Variants in MEI4 observed in about 807,000 individuals in gnomAD.
The protein encoded by MEI4 is meiosis-specific protein MEI4.
Under a neutral mutation model 31.4 loss-of-function variants are expected in MEI4, and 27 were observed. The ratio of observed to expected loss-of-function variants is 0.86; its 90% CI spans 0.63 to 1.19. The LOEUF (loss-of-function observed/expected upper bound fraction) is 1.19. Ranked by LOEUF, MEI4 falls within the 50% of genes most tolerant of loss-of-function variation. The probability of loss-of-function intolerance (pLI) is 0.00; values close to 1 mark genes in which losing one functional copy is unlikely to be tolerated. For missense variants in MEI4, 329 were observed against 398.9 expected (o/e 0.82, Z 1.49); for synonymous variants, 122 against 145.4 (o/e 0.84, Z 1.16).
At chr6:77,748,856 A>G (rs1309086128) in intron 2 of MEI4, among the ~76,000 whole-genome samples, 1 of 152,162 alleles carries the variant, frequency 6.6e-6, no homozygotes, top group Non-Finnish European at 1.5e-5. Context: ...GCCGACAGAC[A>G]TGTCATACAG....
At chr6:77,732,625 C>G (rs1767040898) in intron 2 of MEI4, among the ~76,000 whole-genome samples, 1 of 139,370 alleles carries the variant, frequency 7.2e-6, no homozygotes. Flanking sequence ...TTATTTCCTT[C>G]TCCTGCCTAA....
chr6:77,858,367 A>G (rs1259739486), intron 4 of MEI4, among the ~76,000 whole-genome samples: 1 of 152,194 alleles, frequency 6.6e-6, no homozygotes, highest in Non-Finnish European at 1.5e-5. Context: ...CATTTTAAAT[A>G]AATAATAATA....
chr6:77,666,880 T>TGTGTGTGTGC (rs1554208081), intron 1 of MEI4, among the ~76,000 whole-genome samples: 5 of 147,566 alleles, frequency 3.4e-5, no homozygotes, highest in East Asian at 2.1e-4. Flanking sequence ...TGTGTGTGTG[T>TGTGTGTGTGC]GTGCGTGCGT....
intron 1 of MEI4, among the ~76,000 whole-genome samples, chr6:77,664,828 A>T (rs1359570393): frequency 6.6e-6 from 1 of 152,148 alleles, no homozygotes; most frequent in Non-Finnish European, 1.5e-5. Context: ...ATCTTGCAGG[A>T]TGGAAAAATT....
At chr6:77,888,594 A>G (rs753324936) in intron 4 of MEI4, among the ~76,000 whole-genome samples, 30 of 152,130 alleles carry the variant, frequency 2.0e-4, no homozygotes, top group Middle Eastern at 3.2e-3. Context: ...CTTTGGAAGG[A>G]TAACTAATGG....
chr6:77,658,762 A>G (rs976712522), intron 1 of MEI4, among the ~76,000 whole-genome samples: 2 of 152,200 alleles, frequency 1.3e-5, no homozygotes. Flanking sequence ...AGGTCCGAAT[A>G]AAAGAAGAAG....
At chr6:77,800,129 A>C (rs965915612) in intron 3 of MEI4, among the ~76,000 whole-genome samples, 8 of 152,312 alleles carry the variant, frequency 5.3e-5, no homozygotes, top group East Asian at 3.9e-4. Flanking sequence ...ACCCATGAGC[A>C]TGGAATGTTC....
chr6:77,673,623 T>G (rs1210925797), intron 1 of MEI4, among the ~76,000 whole-genome samples: 1 of 151,990 alleles, frequency 6.6e-6, no homozygotes, highest in Non-Finnish European at 1.5e-5. Context: ...TCAAGGAACT[T>G]TAATAGAGGA....
intron 3 of MEI4, among the ~76,000 whole-genome samples, chr6:77,822,336 A>G (rs1049645821): frequency 6.6e-6 from 1 of 152,160 alleles, no homozygotes; most frequent in Non-Finnish European, 1.5e-5. Context: ...AGATCCCTCT[A>G]TAATATAGAT....
At chr6:77,795,468 G>A (rs543995704) in intron 3 of MEI4, among the ~76,000 whole-genome samples, 21 of 151,814 alleles carry the variant, frequency 1.4e-4, no homozygotes, top group Admixed American at 3.3e-4. Flanking sequence ...GTACACACAC[G>A]CACATGACAA....
At chr6:77,694,952 A>T (rs1431800254) in intron 2 of MEI4, among the ~76,000 whole-genome samples, 21 of 151,484 alleles carry the variant, frequency 1.4e-4, no homozygotes, top group Middle Eastern at 6.8e-3. Context: ...AATGATCGCC[A>T]TTCTAACTGG....
chr6:77,690,937 C>A, intron 2 of MEI4, 34 bp downstream of exon 2: 2 of 1,066,164 alleles, frequency 1.9e-6, no homozygotes, highest in South Asian at 9.5e-5. Flanking sequence ...GGTAGTATGT[C>A]ATACTTGTTT....
chr6:77,668,400 C>A (rs150215444), intron 1 of MEI4, among the ~76,000 whole-genome samples: 1,606 of 152,222 alleles, frequency 0.011, 30 homozygotes, highest in African/African-American at 0.036. Flanking sequence ...CTGTTCATGT[C>A]CATGGAGGCT....
intron 2 of MEI4, among the ~76,000 whole-genome samples, chr6:77,703,777 C>A (rs1025375422): frequency 3.3e-5 from 5 of 152,206 alleles, no homozygotes; most frequent in African/African-American, 1.2e-4. Context: ...AGTGTAATAT[C>A]AATCCCATTA....
chr6:77,676,075 G>A (rs974305295), intron 1 of MEI4, among the ~76,000 whole-genome samples: 2 of 152,020 alleles, frequency 1.3e-5, no homozygotes, highest in South Asian at 2.1e-4. Context: ...CTTGGGTTTG[G>A]GTGGTCCGTG....
chr6:77,695,885 C>T (rs9443446), intron 2 of MEI4, among the ~76,000 whole-genome samples: 2 of 152,116 alleles, frequency 1.3e-5, no homozygotes, highest in Non-Finnish European at 1.5e-5. Context: ...ATAGATTCTT[C>T]CTACCCATGA....
chr6:77,880,103 C>T (rs7761942), intron 4 of MEI4, among the ~76,000 whole-genome samples: 21,921 of 152,188 alleles, frequency 0.14, 1,867 homozygotes, highest in East Asian at 0.39. Flanking sequence ...CATTTTTCCA[C>T]CACATAACTT....
chr6:77,919,696 T>C lies in MEI4; in HGVS notation c.901-3393T>C, dbSNP rs867140076. 3.2e-3 allele frequency among the ~76,000 whole-genome samples: 483 copies of C among 149,352 alleles called. 1 individual carries two copies. Among genetic ancestry groups the C allele is most frequent in the African/African-American group, 0.012 (472 of 40,922 alleles). Reference sequence around the variant, plus strand: ...AGACACAAAAAACCCTTCAAAAAATTAATGAATCCAGGAGCTGGTTTTTTG... The same window carrying C: ...AGACACAAAAAACCCTTCAAAAAATCAATGAATCCAGGAGCTGGTTTTTTG... On this transcript the variant is annotated intron_variant, in intron 4 of 4. Transcript: ENST00000684080.
Position 77,761,443 on chromosome 6 carries a change from AG to A in MEI4, c.547del (p.Val183SerfsTer12), listed in dbSNP as rs1768042572. On this transcript the variant is annotated frameshift_variant, in exon 3 of 5. Transcript: ENST00000684080. LOFTEE classifies it high-confidence loss of function. ...CCCACTTTGAAAAAGACTCTTCCACAGTCTCTGATTCTGTTTTTCAATTGCT... is the reference window on the plus strand; with the variant it reads ...CCCACTTTGAAAAAGACTCTTCCACATCTCTGATTCTGTTTTTCAATTGCT... ...LTHFEKDSST[V>X]SDSVFQLLDG... 1 of 1,232,014 alleles carries A rather than the reference AG, an allele frequency of 8.1e-7. No individual in the cohort carries two copies. Among genetic ancestry groups the A allele is most frequent in the South Asian group, 4.1e-5 (1 of 24,324 alleles). 76.3% of individuals were successfully genotyped at this position (1,232,014 alleles called of 1,614,324 possible).
Sources: gnomAD v4.1 joint callset for allele counts (sites outside exome capture counted in the v4.1 genomes callset) on GRCh38, gnomAD v4.1.1 for gene constraint, MANE v1.5 for transcripts, NCBI Gene and HGNC (gene_info 2026-07-23, HGNC 2026-07-21) for gene names.